Variants in RUNX1 observed in about 807,000 individuals in gnomAD.
RUNX1 encodes RUNX family transcription factor 1, also known as runt-related transcription factor 1.
A neutral mutation model predicts 42.8 loss-of-function variants in RUNX1; 19 were observed. The observed-to-expected ratio is 0.44, with a 90% confidence interval of 0.31 to 0.65. The LOEUF is 0.65. Ranked by LOEUF, RUNX1 falls within the 30% of genes least tolerant of loss-of-function variation. The pLI, the probability that RUNX1 is intolerant of heterozygous loss-of-function variation, is 0.07. For missense variants in RUNX1, 528 were observed against 672.0 expected (o/e 0.79, Z 2.37); for synonymous variants, 271 against 289.4 (o/e 0.94, Z 0.64).
intron 7 of RUNX1, among the ~76,000 whole-genome samples, chr21:34,825,729 T>C (rs2056977449): frequency 6.6e-6 from 1 of 152,254 alleles, no homozygotes; most frequent in South Asian, 2.1e-4. Context: ...GAACTGTGAA[T>C]GTGACCTTAT....
intron 3 of RUNX1, 156 bp from the exon 4 acceptor site, chr21:34,887,252 C>CGGGGGGG (rs2058010754): frequency 1.1e-5 from 3 of 278,360 alleles, no homozygotes; most frequent in Non-Finnish European, 1.3e-5. Flanking sequence ...TGGGGGGGGG[C>CGGGGGGG]GGGGGTGGTT....
chr21:34,942,012 T>C (rs1288451752), intron 2 of RUNX1, among the ~76,000 whole-genome samples: 4 of 152,176 alleles, frequency 2.6e-5, no homozygotes, highest in Non-Finnish European at 5.9e-5. Context: ...TAGGAAACAA[T>C]GAAGAAAAAG....
chr21:34,881,096 G>A (rs1318836327), intron 4 of RUNX1, among the ~76,000 whole-genome samples: 1 of 152,130 alleles, frequency 6.6e-6, no homozygotes, highest in Non-Finnish European at 1.5e-5. Flanking sequence ...ACCATAGCAA[G>A]ATATCAAGGA....
chr21:34,814,697 C>CT (rs1555887130), intron 7 of RUNX1, among the ~76,000 whole-genome samples: 4 of 152,110 alleles, frequency 2.6e-5, no homozygotes, highest in Non-Finnish European at 5.9e-5. Context: ...AGGCTGTTTA[C>CT]GAAAGACTAA....
At chr21:34,831,023 G>A (rs981680356) in intron 7 of RUNX1, among the ~76,000 whole-genome samples, 9 of 152,062 alleles carry the variant, frequency 5.9e-5, no homozygotes, top group Admixed American at 3.9e-4. Context: ...TCACTCACTC[G>A]GGTTGCCCAA....
rs2057542782 is a variant in RUNX1 at position 34,859,585 on chromosome 21, G to T, written c.509-7C>A. The T allele has an allele frequency of 6.2e-7, 1 of 1,607,338 alleles. No individual in the cohort carries two copies. The highest frequency in any genetic ancestry group is 8.5e-7 in the Non-Finnish European group (1 of 1,173,954). ...GTCAGAGTGAAGCTTTTCCCTGTGG[G>T]GACACGATAGAGAACAAAACAGAAT... On this transcript the variant is annotated splice_region_variant and splice_polypyrimidine_tract_variant and intron_variant, in intron 5 of 8. Transcript: ENST00000675419.
chr21:34,949,492 T>C (rs1452136640), intron 2 of RUNX1, among the ~76,000 whole-genome samples: 1 of 152,206 alleles, frequency 6.6e-6, no homozygotes, highest in African/African-American at 2.4e-5. Context: ...TGTGGCTGGG[T>C]TGAATGCTTT....
At chr21:35,003,365 T>C (rs963503948) in intron 2 of RUNX1, among the ~76,000 whole-genome samples, 2 of 152,112 alleles carry the variant, frequency 1.3e-5, no homozygotes, top group African/African-American at 4.8e-5. Flanking sequence ...CGCCTGCATG[T>C]GAGTAACAAG....
At chr21:35,007,760 T>C (rs1349772664) in intron 2 of RUNX1, among the ~76,000 whole-genome samples, 1 of 152,058 alleles carries the variant, frequency 6.6e-6, no homozygotes, top group Non-Finnish European at 1.5e-5. Context: ...TATTTTGTGA[T>C]ATTTACTGTT....
chr21:35,033,604 C>G (rs148246933), intron 2 of RUNX1, among the ~76,000 whole-genome samples: 62 of 152,294 alleles, frequency 4.1e-4, no homozygotes, highest in Admixed American at 7.2e-4. Flanking sequence ...TGACTACTAC[C>G]AGAAATTTCG....
intron 8 of RUNX1, among the ~76,000 whole-genome samples, chr21:34,795,208 C>T (rs897697971): frequency 9.9e-5 from 15 of 152,190 alleles, no homozygotes; most frequent in African/African-American, 2.9e-4. Context: ...TCGACAGAGC[C>T]AAAAGCTTGC....
chr21:34,857,053 G>C (rs2057503910), intron 6 of RUNX1, among the ~76,000 whole-genome samples: 1 of 152,222 alleles, frequency 6.6e-6, no homozygotes, highest in African/African-American at 2.4e-5. Flanking sequence ...CAACCTGGGA[G>C]TCTGCATGCA....
intron 7 of RUNX1, among the ~76,000 whole-genome samples, chr21:34,814,237 G>C (rs943930297): frequency 6.6e-6 from 1 of 152,136 alleles, no homozygotes; most frequent in Non-Finnish European, 1.5e-5. Flanking sequence ...GTTGGTGTCT[G>C]TTGCTGTAAA....
intron 2 of RUNX1, among the ~76,000 whole-genome samples, chr21:35,002,709 T>C (rs1178380047): frequency 1.3e-5 from 2 of 152,142 alleles, no homozygotes; most frequent in Non-Finnish European, 2.9e-5. Context: ...ATTACAGGCG[T>C]GAGCCACTGT....
chr21:35,047,650 C>T (rs555860401), intron 2 of RUNX1, among the ~76,000 whole-genome samples: 2 of 151,386 alleles, frequency 1.3e-5, no homozygotes, highest in African/African-American at 2.4e-5. Flanking sequence ...CGTGCATTCA[C>T]AATAGCATTT....
At chr21:34,868,719 A>G (rs565704165) in intron 5 of RUNX1, among the ~76,000 whole-genome samples, 2 of 152,284 alleles carry the variant, frequency 1.3e-5, no homozygotes, top group African/African-American at 4.8e-5. Flanking sequence ...TTATCTACTC[A>G]CAACAGGGAT....
intron 2 of RUNX1, among the ~76,000 whole-genome samples, chr21:34,956,952 C>T (rs2058648695): frequency 6.6e-6 from 1 of 152,172 alleles, no homozygotes. Flanking sequence ...TAAAAATAAC[C>T]TGATGATTTC....
intron 2 of RUNX1, among the ~76,000 whole-genome samples, chr21:35,035,493 T>C (rs1253713686): frequency 2.0e-5 from 3 of 152,222 alleles, no homozygotes; most frequent in Non-Finnish European, 4.4e-5. Context: ...TTTTGTAACC[T>C]GGTTTTTGCT....
chr21:34,871,364 T>C (rs1369226241), intron 5 of RUNX1, among the ~76,000 whole-genome samples: 1 of 152,174 alleles, frequency 6.6e-6, no homozygotes, highest in Non-Finnish European at 1.5e-5. Context: ...TCTAGGAGCG[T>C]TGCTCTACTG....
Sources: allele counts gnomAD v4.1 joint callset (sites outside exome capture counted in the v4.1 genomes callset), GRCh38; gene constraint gnomAD v4.1.1; transcripts MANE v1.5; gene names NCBI Gene and HGNC (gene_info 2026-07-23, HGNC 2026-07-21).